The following IL21R variants were observed in gnomAD, a reference collection of about 807,000 sequenced individuals.
The protein encoded by IL21R is interleukin 21 receptor, also known as interleukin-21 receptor.
Under a neutral mutation model 41.3 loss-of-function variants are expected in IL21R, and 14 were observed. The ratio of observed to expected loss-of-function variants is 0.34; its 90% CI spans 0.22 to 0.53. The LOEUF (loss-of-function observed/expected upper bound fraction) is 0.53. IL21R is among the 20% of genes least tolerant of loss of function. IL21R has a pLI of 0.94. For missense variants in IL21R, 588 were observed against 681.6 expected, an observed-to-expected ratio of 0.86 and a Z score of 1.53; for synonymous variants, 286 against 287.6, an observed-to-expected ratio of 0.99 and a Z score of 0.05.
intron 8 of IL21R, among the ~76,000 whole-genome samples, chr16:27,446,777 G>C (rs927895312): frequency 6.6e-6 from 1 of 152,000 alleles, no homozygotes; most frequent in Non-Finnish European, 1.5e-5. Flanking sequence ...CCTGGCCCAC[G>C]GGGCAAAACA....
intron 4 of IL21R, among the ~76,000 whole-genome samples, chr16:27,440,422 C>T (rs1337424337): frequency 6.6e-6 from 1 of 151,740 alleles, no homozygotes; most frequent in African/African-American, 2.4e-5. Context: ...TACAGGTGCA[C>T]ATCACCATCC....
intron 5 of IL21R, 146 bp from the exon 6 acceptor site, chr16:27,444,396 C>T (rs921643545): frequency 4.8e-5 from 24 of 500,496 alleles, no homozygotes; most frequent in Admixed American, 2.2e-4. Flanking sequence ...CTGAGTCCAG[C>T]TACTCAGGCA....
At chr16:27,437,763 G>C (rs192380208) in intron 4 of IL21R, 76 bp downstream of exon 4, 1 of 1,201,668 alleles carries the variant, frequency 8.3e-7, no homozygotes, top group Non-Finnish European at 1.2e-6. Flanking sequence ...TCTGGGCTCA[G>C]GTGATCCTCC....
Position 27,449,723 on chromosome 16 carries a change from G to A in IL21R, c.*440G>A, listed in dbSNP as rs1008595194. On this transcript the variant is annotated 3_prime_UTR_variant, in exon 9 of 9. Coordinates refer to ENST00000337929, the MANE Select transcript of IL21R (RefSeq NM_181078.3). ...CATCTCCGGGGCTTTGTGGGATCAGGGCATTGCCTGTGACTGAGGCGGAGC... is the reference window on the plus strand; with the variant it reads ...CATCTCCGGGGCTTTGTGGGATCAGAGCATTGCCTGTGACTGAGGCGGAGC... 3 of 245,256 alleles carry A rather than the reference G, an allele frequency of 1.2e-5. No individual in the cohort carries two copies. The East Asian group carries it at 1.8e-4, about 14-fold the overall frequency. 15.2% of individuals were successfully genotyped at this position (245,256 alleles called of 1,614,324 possible).
chr16:27,426,020 A>C (rs960352508), intron 1 of IL21R, among the ~76,000 whole-genome samples: 1 of 152,194 alleles, frequency 6.6e-6, no homozygotes, highest in Non-Finnish European at 1.5e-5. Context: ...TGTTTTGTTT[A>C]AGTAACACTT....
At chr16:27,403,168 C>G in intron 1 of IL21R, 2 of 1,298,210 alleles carry the variant, frequency 1.5e-6, no homozygotes, top group Non-Finnish European at 2.0e-6. Flanking sequence ...GCCAGGTGAC[C>G]CCATGAGCTG....
chr16:27,403,342 G>A, intron 1 of IL21R: 1 of 979,038 alleles, frequency 1.0e-6, no homozygotes, highest in Non-Finnish European at 1.4e-6. Flanking sequence ...CTGGGGAGCG[G>A]GAACTTAGGA....
intron 8 of IL21R, among the ~76,000 whole-genome samples, chr16:27,446,445 A>G (rs2087480462): frequency 6.6e-6 from 1 of 151,864 alleles, no homozygotes; most frequent in Non-Finnish European, 1.5e-5. Context: ...TCTACCAAAA[A>G]CTTAAAAATC....
At chr16:27,416,017 C>T (rs1004349281) in intron 1 of IL21R, among the ~76,000 whole-genome samples, 1 of 152,178 alleles carries the variant, frequency 6.6e-6, no homozygotes, top group African/African-American at 2.4e-5. Context: ...TCCTCTTTAA[C>T]TTTATTCACC....
In IL21R at chr16:27,415,823, C is replaced by T. The variant is rs114150143; in HGVS notation, c.-17+13205C>T. On this transcript the variant is annotated intron_variant, in intron 1 of 8. Transcript: ENST00000337929. Reference sequence around the variant, plus strand: ...AGCCTGCATTGACATGGCTATATTCCCAGGACCCCCCAGTTCTTTGGAGAT... The same window carrying T: ...AGCCTGCATTGACATGGCTATATTCTCAGGACCCCCCAGTTCTTTGGAGAT... Among the ~76,000 whole-genome samples, 757 of 152,234 alleles carry T rather than the reference C, an allele frequency of 5.0e-3. 7 individuals are homozygous for T. Among genetic ancestry groups the T allele is most frequent in the African/African-American group, 0.018 (729 of 41,532 alleles).
chr16:27,448,662 G>T lies in IL21R; in HGVS notation c.996G>T (p.Thr332=). 1 of 1,613,112 alleles carries T rather than the reference G, an allele frequency of 6.2e-7. No individual in the cohort carries two copies. The change falls in exon 9 of 9, where the codon ACG becomes ACT. Residue 332 remains threonine (T), a synonymous_variant. Coordinates refer to ENST00000337929, the MANE Select transcript of IL21R (RefSeq NM_181078.3). Reference sequence around the variant, plus strand: ...GCCCGGCCAAGAGGCTGCAGCTCACGGAGCTACAAGAACCAGCAGAGCTGG... The same window carrying T: ...GCCCGGCCAAGAGGCTGCAGCTCACTGAGCTACAAGAACCAGCAGAGCTGG... ...PRSPAKRLQL[T]ELQEPAELVE... is the part of the protein sequence containing the mutation.
At chr16:27,444,501 G>C in intron 5 of IL21R, 41 bp from the exon 6 acceptor site, 2 of 1,420,016 alleles carry the variant, frequency 1.4e-6, no homozygotes, top group South Asian at 3.2e-5. Flanking sequence ...GGCTGGCCTG[G>C]TTTAACCCTG....
chr16:27,405,643 C>T (rs944445002), intron 1 of IL21R, among the ~76,000 whole-genome samples: 9 of 152,318 alleles, frequency 5.9e-5, no homozygotes, highest in African/African-American at 1.7e-4. Flanking sequence ...CCCTGCCCTC[C>T]GGAGCCCCCG....
chr16:27,413,812 T>G (rs965877415), intron 1 of IL21R, among the ~76,000 whole-genome samples: 3 of 152,002 alleles, frequency 2.0e-5, no homozygotes, highest in African/African-American at 7.2e-5. Flanking sequence ...TTTCTGATTT[T>G]AGTTAATTTG....
intron 8 of IL21R, 102 bp downstream of exon 8, chr16:27,446,190 A>G (rs2141313603): frequency 1.2e-6 from 1 of 861,720 alleles, no homozygotes; most frequent in Non-Finnish European, 1.8e-6. Flanking sequence ...CCACAGGCCT[A>G]GAGCATCCAG....
intron 7 of IL21R, 96 bp from the exon 8 acceptor site, chr16:27,445,911 G>A (rs924536433): frequency 6.8e-5 from 61 of 899,308 alleles, no homozygotes; most frequent in Middle Eastern, 2.3e-4. Context: ...TGGGATGCTC[G>A]GAAGCTCCTG....
intron 1 of IL21R, among the ~76,000 whole-genome samples, chr16:27,406,480 A>T (rs2086750347): frequency 6.6e-6 from 1 of 152,140 alleles, no homozygotes; most frequent in Non-Finnish European, 1.5e-5. Flanking sequence ...AAGAAGTGCC[A>T]GGAGGGAAAG....
At chr16:27,411,503 C>T (rs1323850452) in intron 1 of IL21R, among the ~76,000 whole-genome samples, 1 of 139,302 alleles carries the variant, frequency 7.2e-6, no homozygotes, top group Non-Finnish European at 1.5e-5. Context: ...TGCTCTGTTG[C>T]CCAGGCTGGA....
At chr16:27,432,839 G>A (rs2087198512) in intron 2 of IL21R, among the ~76,000 whole-genome samples, 1 of 152,150 alleles carries the variant, frequency 6.6e-6, no homozygotes, top group African/African-American at 2.4e-5. Context: ...AGCATTCCGA[G>A]GTCACACCTA....
Sources: gnomAD v4.1 joint callset for allele counts (sites outside exome capture counted in the v4.1 genomes callset) on GRCh38, gnomAD v4.1.1 for gene constraint, MANE v1.5 for transcripts, NCBI Gene and HGNC (gene_info 2026-07-23, HGNC 2026-07-21) for gene names.